GRID1: variants seen among roughly 807,000 people sequenced by gnomAD.
GRID1 encodes the protein glutamate receptor ionotropic, delta-1.
GRID1 carries 28 observed loss-of-function variants against 98.0 expected under a neutral mutation model. That is an observed-to-expected ratio of 0.29 (90% CI 0.21 to 0.39). The LOEUF is 0.39. Ranked by LOEUF, GRID1 falls within the 10% of genes least tolerant of loss-of-function variation. The pLI, the probability that GRID1 is intolerant of heterozygous loss-of-function variation, is 1.00. For synonymous variants in GRID1, 553 were observed against 538.5 expected (o/e 1.03, Z -0.37); for missense variants, 1,111 against 1,340.5 (o/e 0.83, Z 2.67).
intron 8 of GRID1, among the ~76,000 whole-genome samples, chr10:85,792,640 C>A (rs1026377851): frequency 1.3e-5 from 2 of 152,174 alleles, no homozygotes; most frequent in Non-Finnish European, 2.9e-5. Context: ...GTGACTGCTG[C>A]AGCTCTGTCC....
chr10:85,832,424 A>G (rs1842874597), intron 8 of GRID1, among the ~76,000 whole-genome samples: 1 of 152,182 alleles, frequency 6.6e-6, no homozygotes, highest in Admixed American at 6.5e-5. Context: ...GAAATTATTA[A>G]CAAAATGTTA....
chr10:86,354,304 G>C (rs1848504443), intron 2 of GRID1, among the ~76,000 whole-genome samples: 1 of 152,282 alleles, frequency 6.6e-6, no homozygotes, highest in African/African-American at 2.4e-5. Flanking sequence ...CTAGCACCCA[G>C]ACAGGACCCA....
At chr10:85,754,186 A>C (rs970731426) in intron 8 of GRID1, among the ~76,000 whole-genome samples, 1 of 152,128 alleles carries the variant, frequency 6.6e-6, no homozygotes, top group African/African-American at 2.4e-5. Context: ...AGATGGGGGG[A>C]GGGGACTCAC....
At chr10:86,094,550 A>C (rs1844193563) in intron 4 of GRID1, among the ~76,000 whole-genome samples, 1 of 152,182 alleles carries the variant, frequency 6.6e-6, no homozygotes, top group Non-Finnish European at 1.5e-5. Context: ...CTATACACCA[A>C]CAGCAACCAA....
intron 6 of GRID1, among the ~76,000 whole-genome samples, chr10:85,859,117 A>T (rs1843140604): frequency 6.6e-6 from 1 of 152,146 alleles, no homozygotes; most frequent in East Asian, 1.9e-4. Context: ...CCCTAGATGT[A>T]CCCCTCTTCC....
chr10:86,094,129 T>C (rs2131940195), intron 4 of GRID1, among the ~76,000 whole-genome samples: 1 of 152,278 alleles, frequency 6.6e-6, no homozygotes, highest in South Asian at 2.1e-4. Flanking sequence ...GAAAAAGCAT[T>C]TAACAAAAAT....
chr10:86,176,169 G>T (rs1181067200), intron 3 of GRID1, among the ~76,000 whole-genome samples: 1 of 152,250 alleles, frequency 6.6e-6, no homozygotes, highest in African/African-American at 2.4e-5. Flanking sequence ...CTGAGTTCTG[G>T]GCTAGATGCT....
intron 12 of GRID1, among the ~76,000 whole-genome samples, chr10:85,653,383 C>T (rs2132559995): frequency 6.6e-6 from 1 of 152,280 alleles, no homozygotes; most frequent in South Asian, 2.1e-4. Context: ...TGTCCTCGCA[C>T]TGGACTAAGA....
rs116418668 is a variant in GRID1 at position 86,361,232 on chromosome 10, G to T, written c.235+2709C>A. ...AGGGAAAAGGAGGCTGCTGAGCACTGCTCTGCCCCTCACAGAGGCCTTCCA... is the reference window on the plus strand; with the variant it reads ...AGGGAAAAGGAGGCTGCTGAGCACTTCTCTGCCCCTCACAGAGGCCTTCCA... On this transcript the variant is annotated intron_variant, in intron 2 of 15. Transcript: ENST00000327946. Among the ~76,000 whole-genome samples, 855 of 152,316 alleles carry T rather than the reference G, an allele frequency of 5.6e-3. 6 individuals carry two copies. Among genetic ancestry groups the T allele is most frequent in the African/African-American group, 0.019 (810 of 41,572 alleles).
chr10:85,778,536 CCTCGGAAAA>C (rs1248229953), intron 8 of GRID1, among the ~76,000 whole-genome samples: 1 of 152,152 alleles, frequency 6.6e-6, no homozygotes, highest in African/African-American at 2.4e-5. Context: ...CAGTTCCTGA[CCTCGGAAAA>C]CTCACTTTCT....
At chr10:85,974,404 C>A (rs1195617654) in intron 4 of GRID1, among the ~76,000 whole-genome samples, 1 of 152,104 alleles carries the variant, frequency 6.6e-6, no homozygotes, top group Non-Finnish European at 1.5e-5. Flanking sequence ...TGGCATTATG[C>A]CTGATAAGTA....
intron 14 of GRID1, among the ~76,000 whole-genome samples, chr10:85,614,051 T>C (rs1440210031): frequency 6.6e-6 from 1 of 152,266 alleles, no homozygotes; most frequent in Non-Finnish European, 1.5e-5. Context: ...TGCTTTCTTT[T>C]GAGCTTTCAT....
intron 3 of GRID1, among the ~76,000 whole-genome samples, chr10:86,144,663 C>T (rs2131976045): frequency 6.6e-6 from 1 of 152,308 alleles, no homozygotes; most frequent in African/African-American, 2.4e-5. Flanking sequence ...GCAGTCCTGC[C>T]TAATGCCCTC....
chr10:85,840,351 C>A (rs1000903326), intron 8 of GRID1, among the ~76,000 whole-genome samples: 2 of 151,812 alleles, frequency 1.3e-5, no homozygotes, highest in African/African-American at 4.8e-5. Context: ...ATAATAAGAG[C>A]CATATGTAAA....
At chr10:85,655,666 G>A (rs1001397716) in intron 12 of GRID1, among the ~76,000 whole-genome samples, 5 of 152,080 alleles carry the variant, frequency 3.3e-5, no homozygotes, top group East Asian at 1.9e-4. Context: ...CTCCTCCCAC[G>A]CTCTCAGATG....
intron 4 of GRID1, among the ~76,000 whole-genome samples, chr10:86,117,251 CACT>C (rs759129091): frequency 1.1e-4 from 16 of 151,662 alleles, no homozygotes; most frequent in Non-Finnish European, 1.9e-4. Context: ...TCAGCACTAC[CACT>C]ATCACCACCA....
chr10:85,664,051 C>T (rs1299652696), intron 12 of GRID1, among the ~76,000 whole-genome samples: 3 of 152,126 alleles, frequency 2.0e-5, no homozygotes, highest in Non-Finnish European at 2.9e-5. Flanking sequence ...TTGAGGGGAA[C>T]CTTGCCATAT....
At chr10:86,350,526 A>G (rs1252693392) in intron 2 of GRID1, among the ~76,000 whole-genome samples, 1 of 152,212 alleles carries the variant, frequency 6.6e-6, no homozygotes, top group African/African-American at 2.4e-5. Flanking sequence ...CCAGTCCTTC[A>G]CATTCCCTAA....
intron 4 of GRID1, among the ~76,000 whole-genome samples, chr10:85,961,266 C>T (rs1005237608): frequency 1.3e-5 from 2 of 152,186 alleles, no homozygotes; most frequent in Admixed American, 6.5e-5. Context: ...TCCTCTGAGC[C>T]TGCCCCTGCC....
Sources: gnomAD v4.1 joint callset for allele counts (sites outside exome capture counted in the v4.1 genomes callset) on GRCh38, gnomAD v4.1.1 for gene constraint, MANE v1.5 for transcripts, NCBI Gene and HGNC (gene_info 2026-07-23, HGNC 2026-07-21) for gene names.